The following ZNF516 variants were observed in gnomAD, a reference collection of about 807,000 sequenced individuals.
ZNF516 encodes the protein zinc finger protein 516.
A neutral mutation model predicts 79.7 loss-of-function variants in ZNF516; 19 were observed. The observed-to-expected ratio is 0.24, with a 90% confidence interval of 0.17 to 0.35. The LOEUF (loss-of-function observed/expected upper bound fraction) is 0.35. Ranked by LOEUF, ZNF516 falls within the 10% of genes least tolerant of loss-of-function variation. The probability of loss-of-function intolerance (pLI) is 1.00; values close to 1 mark genes in which losing one functional copy is unlikely to be tolerated. For synonymous variants in ZNF516, 877 were observed against 739.5 expected (o/e 1.19, Z -3.02); for missense variants, 1,678 against 1,679.5 (o/e 1.00, Z 0.02).
intron 3 of ZNF516, among the ~76,000 whole-genome samples, chr18:76,396,537 C>A (rs1468892126): frequency 6.6e-6 from 1 of 152,182 alleles, no homozygotes; most frequent in Non-Finnish European, 1.5e-5. Flanking sequence ...AAGAACATCA[C>A]AGTCATCAAC....
At position 76,378,963 on chromosome 18, in the gene ZNF516, G is replaced by A; in HGVS notation, c.3151C>T (p.His1051Tyr). ...TTGAGGATGTCCAGGCGCTTCTCAT[G>A]CCCCTCGGCCACCGGCTCCTGTTTG... ...SIKQEPVAEG[H>Y]EKRLDILNIF... The change falls in exon 4 of 7, where the codon CAT becomes TAT. Residue 1051 changes from histidine to tyrosine, a missense_variant. Coordinates refer to ENST00000443185, the MANE Select transcript of ZNF516 (RefSeq NM_014643.4). 6.2e-7 allele frequency: 1 copy of A among 1,613,752 alleles called. No individual in the cohort carries two copies. Among genetic ancestry groups the A allele is most frequent in the Non-Finnish European group, 8.5e-7 (1 of 1,179,816 alleles).
At chr18:76,410,265 T>C (rs1026034058) in intron 3 of ZNF516, among the ~76,000 whole-genome samples, 1 of 152,130 alleles carries the variant, frequency 6.6e-6, no homozygotes, top group African/African-American at 2.4e-5. Flanking sequence ...AGGCCCCTGG[T>C]TGTCACAAAA....
chr18:76,441,274 C>G lies in ZNF516; in HGVS notation c.1781G>C (p.Gly594Ala). The change falls in exon 3 of 7, where the codon GGT becomes GCT. Residue 594 changes from glycine to alanine, a missense_variant. By Grantham distance (60) the Gly-to-Ala change is moderately conservative (BLOSUM62 0). Transcript: ENST00000443185. ...GLADEAAEDS[G>A]EEGAPEPAPG... ...TGCAGGTTCAGGGGCGCCCTCCTCA[C>G]CACTGTCTTCGGCAGCCTCGTCGGC... 1 of 1,610,910 alleles carries G rather than the reference C, an allele frequency of 6.2e-7. No individual in the cohort carries two copies. Among genetic ancestry groups the G allele is most frequent in the Non-Finnish European group, 8.5e-7 (1 of 1,179,344 alleles).
intron 2 of ZNF516, among the ~76,000 whole-genome samples, chr18:76,443,678 C>T (rs1310580466): frequency 6.6e-6 from 1 of 152,192 alleles, no homozygotes; most frequent in Non-Finnish European, 1.5e-5. Context: ...CGGCACTTCA[C>T]ACACACAGTC....
chr18:76,492,779 G>A (rs1915310085), intron 1 of ZNF516: 2 of 985,632 alleles, frequency 2.0e-6, no homozygotes, highest in Non-Finnish European at 2.4e-6. Flanking sequence ...ATCTGAAAGT[G>A]CTTCTAAACC....
At chr18:76,381,698 G>A (rs189758134) in intron 3 of ZNF516, among the ~76,000 whole-genome samples, 10 of 152,294 alleles carry the variant, frequency 6.6e-5, no homozygotes, top group African/African-American at 9.6e-5. Context: ...CAGTTAGTGC[G>A]CAATTCATAC....
rs1311890277 is a variant in ZNF516, at chr18:76,357,814, G to A, written c.*4684C>T. On this transcript the variant is annotated 3_prime_UTR_variant, in exon 7 of 7. Transcript: ENST00000443185. ...TTTGACACAATAATTTCCTCCAGGTGTGGCTGAGTCAGAATTCCGTCCGCG... is the reference window on the plus strand; with the variant it reads ...TTTGACACAATAATTTCCTCCAGGTATGGCTGAGTCAGAATTCCGTCCGCG... 6.6e-6 allele frequency among the ~76,000 whole-genome samples: 1 copy of A among 152,192 alleles called. No homozygotes were observed. The highest frequency in any genetic ancestry group is 1.5e-5 in the Non-Finnish European group (1 of 68,048).
chr18:76,464,571 T>C (rs1032085094), intron 1 of ZNF516, among the ~76,000 whole-genome samples: 1 of 152,128 alleles, frequency 6.6e-6, no homozygotes, highest in Non-Finnish European at 1.5e-5. Flanking sequence ...TTGCAGGGCC[T>C]CCCTGGCACC....
chr18:76,389,551 A>T (rs2075041036), intron 3 of ZNF516: 1 of 152,194 alleles, frequency 6.6e-6, no homozygotes, highest in South Asian at 2.1e-4. Context: ...CCCCCCGTCA[A>T]TTCTAAGGTT....
At chr18:76,465,114 G>A (rs753310434) in intron 1 of ZNF516, among the ~76,000 whole-genome samples, 12 of 152,240 alleles carry the variant, frequency 7.9e-5, no homozygotes, top group Admixed American at 3.3e-4. Context: ...CCAAAATGGC[G>A]TGGTCATCCA....
chr18:76,490,890 T>C (rs948649940), intron 1 of ZNF516: 15 of 985,328 alleles, frequency 1.5e-5, no homozygotes, highest in Non-Finnish European at 1.8e-5. Flanking sequence ...CATCTGGGCT[T>C]TTCCAGGCAG....
At chr18:76,440,761 T>TGTGTGTGTGTGTGTGTGTGCGCGC (rs571461431) in intron 3 of ZNF516, among the ~76,000 whole-genome samples, 12 of 150,144 alleles carry the variant, frequency 8.0e-5, no homozygotes, top group African/African-American at 2.9e-4. Context: ...TGTGTGTGTG[T>TGTGTGTGTGTGTGTGTGTGCGCGC]GCGCGCACGC....
At position 76,441,728 on chromosome 18, in the gene ZNF516, G is replaced by T; in HGVS notation, c.1327C>A (p.Leu443Met). 6.4e-7 allele frequency: 1 copy of T among 1,573,276 alleles called. No homozygotes were observed. Reference sequence around the variant, plus strand: ...TTGTCGAAGGCCACGTCCCCGGCCAGCGCCTCGTCCCAGGCCCCGTACTTG... The same window carrying T: ...TTGTCGAAGGCCACGTCCCCGGCCATCGCCTCGTCCCAGGCCCCGTACTTG... ...YLKYGAWDEA[L>M]AGDVAFDKDR... Residue 443 changes from leucine to methionine, a missense_variant, in exon 3 of 7, where the codon CTG (leucine) becomes ATG (methionine). Physicochemically the swap from Leu to Met is conservative, Grantham distance 15. Transcript: ENST00000443185.
intron 2 of ZNF516, 34 bp from the exon 3 acceptor site, chr18:76,443,245 C>T: frequency 3.5e-6 from 3 of 863,352 alleles, no homozygotes; most frequent in South Asian, 2.0e-5. Flanking sequence ...CAGCAAAGCT[C>T]CTGGCTAAGA....
At chr18:76,472,271 GTGGTCT>G (rs1913888061) in intron 1 of ZNF516, among the ~76,000 whole-genome samples, 1 of 152,146 alleles carries the variant, frequency 6.6e-6, no homozygotes, top group Admixed American at 6.5e-5. Flanking sequence ...TCAAGATGAT[GTGGTCT>G]TTAACGGCTT....
At chr18:76,496,244 G>C (rs1008518765), upstream of ZNF516, 5 of 1,262,366 alleles carry the variant, frequency 4.0e-6, no homozygotes, top group Non-Finnish European at 5.2e-6. Context: ...GGGAGCTGCG[G>C]CCTGCGGAGG....
intron 3 of ZNF516, among the ~76,000 whole-genome samples, chr18:76,425,316 A>G (rs2075579186): frequency 6.6e-6 from 1 of 152,260 alleles, no homozygotes; most frequent in Non-Finnish European, 1.5e-5. Flanking sequence ...CACAGGACAC[A>G]GAATTCCCAA....
intron 3 of ZNF516, among the ~76,000 whole-genome samples, chr18:76,428,303 G>A (rs1010250701): frequency 1.3e-5 from 2 of 150,884 alleles, no homozygotes; most frequent in South Asian, 4.2e-4. Context: ...TGAGGCAGGA[G>A]AATCGCTTGA....
Position 76,443,080 on chromosome 18 carries a change from G to A in ZNF516, c.-26C>T. On this transcript the variant is annotated 5_prime_UTR_variant, in exon 3 of 7. Transcript: ENST00000443185. ...CCGAAGGACGGGCGCGGCCGGTGGT[G>A]GCGGCACAGCTTTCTGTCGCGCGGG... The A allele has an allele frequency of 6.4e-7, 1 of 1,555,062 alleles. No homozygotes were observed. The highest frequency in any genetic ancestry group is 1.9e-5 in the Admixed American group (1 of 52,088).
Sources: gnomAD v4.1 joint callset for allele counts (sites outside exome capture counted in the v4.1 genomes callset) on GRCh38, gnomAD v4.1.1 for gene constraint, MANE v1.5 for transcripts, NCBI Gene and HGNC (gene_info 2026-07-23, HGNC 2026-07-21) for gene names.